Variants in PROSER3 observed in about 807,000 individuals in gnomAD.
The protein encoded by PROSER3 is proline and serine rich 3.
PROSER3 carries 33 observed loss-of-function variants against 50.2 expected under a neutral mutation model. The observed-to-expected ratio is 0.66, with a 90% confidence interval of 0.50 to 0.88. The LOEUF is 0.88. Ranked by LOEUF, PROSER3 falls within the 40% of genes least tolerant of loss-of-function variation. The pLI is 0.00. For missense variants in PROSER3, 623 were observed against 612.7 expected (o/e 1.02, Z -0.18); for synonymous variants, 266 against 259.3 (o/e 1.03, Z -0.25).
At chr19:35,765,163 C>T (rs1213442523) in exon 7 of PROSER3, 2 of 1,613,260 alleles carry the variant, frequency 1.2e-6, no homozygotes, top group African/African-American at 2.7e-5. Flanking sequence ...AGGGCCTTGG[C>T]CCCAGGGCAC....
At chr19:35,759,157 C>T in intron 1 of PROSER3, 1 of 533,064 alleles carries the variant, frequency 1.9e-6, no homozygotes, top group South Asian at 2.4e-5. Context: ...CTGTCAGTTC[C>T]TGAGTTGCTC....
chr19:35,766,913 CAG>C lies in PROSER3; in HGVS notation c.918_919del (p.Arg306SerfsTer53). ...AACAGGCTCAGGGAAGCAAGGGTGA[CAG>C]AGCTTGGGTGCCGCCTCTGACCCCT... On this transcript the variant is annotated frameshift_variant, in exon 8 of 11. Coordinates refer to ENST00000396908, the Ensembl canonical transcript of PROSER3. LOFTEE classifies it high-confidence loss of function. The C allele has an allele frequency of 6.4e-7, 1 of 1,554,424 alleles. No individual in the cohort carries two copies. The highest frequency in any genetic ancestry group is 1.7e-4 in the Middle Eastern group (1 of 5,986).
chr19:35,764,419 G>C (rs1404509055), intron 5 of PROSER3, among the ~76,000 whole-genome samples: 1 of 152,098 alleles, frequency 6.6e-6, no homozygotes, highest in African/African-American at 2.4e-5. Flanking sequence ...CACTTTAGGA[G>C]ACTGAGGTGG....
exon 7 of PROSER3, chr19:35,765,119 C>T (rs1257035498): frequency 1.2e-6 from 2 of 1,613,886 alleles, no homozygotes; most frequent in South Asian, 1.1e-5. Flanking sequence ...TGGCCTCTCT[C>T]CCTTCTCGGA....
At chr19:35,768,756 T>C (rs1201771856) in exon 11 of PROSER3, 7 of 490,548 alleles carry the variant, frequency 1.4e-5, no homozygotes, top group Non-Finnish European at 2.0e-5. Context: ...TATATCTTCC[T>C]TGGGGCAGAG....
In PROSER3 at chr19:35,768,147, C is replaced by T. The variant is rs948341163; in HGVS notation, c.1220-8C>T. 15 of 1,612,146 alleles carry T rather than the reference C, an allele frequency of 9.3e-6. No individual in the cohort carries two copies. Among genetic ancestry groups the T allele is most frequent in the South Asian group, 5.5e-5 (5 of 90,806 alleles). On this transcript the variant is annotated splice_polypyrimidine_tract_variant and splice_region_variant and intron_variant, in intron 9 of 10. Transcript: ENST00000396908. ...CCCTTGGAGCTCATTCTTTTCTCCC[C>T]GGCCCAGACTCCGACGGCAGCGAGT...
In PROSER3 at chr19:35,764,933, G is replaced by A. The variant is rs748855164; in HGVS notation, c.623G>A (p.Arg208His). 72 of 1,613,426 alleles carry A rather than the reference G, an allele frequency of 4.5e-5. No individual in the cohort carries two copies. The East Asian group carries it at 7.8e-4, about 17-fold the overall frequency. The stretch of plus-strand genomic sequence containing the variant: ...AGCAGAGCTGCCAGGCTGCTCAAAC[G>A]CAGGTGCCCGCACCCCTGCCCCCAT... The change falls in exon 6 of 11, where the codon CGC becomes CAC. Residue 208 changes from arginine (R) to histidine (H), a missense_variant. Around this residue, in one of 3 missense-constraint regions of PROSER3, gnomAD observed 7 missense variants for 22.3 expected, o/e 0.31. Coordinates refer to ENST00000396908, the Ensembl canonical transcript of PROSER3.
chr19:35,763,261 G>A (rs1362209896), intron 5 of PROSER3, among the ~76,000 whole-genome samples: 1 of 150,930 alleles, frequency 6.6e-6, no homozygotes, highest in Non-Finnish European at 1.5e-5. Context: ...GGGTACAGTG[G>A]CGCCATCTCA....
exon 4 of PROSER3, chr19:35,762,142 A>G: frequency 1.3e-6 from 2 of 1,597,030 alleles, no homozygotes; most frequent in Non-Finnish European, 1.7e-6. Flanking sequence ...GTCAAAGTGC[A>G]GCAGGTACCT....
At chr19:35,759,677 A>G (rs1333593739) in intron 2 of PROSER3, 112 bp from the exon 3 acceptor site, 10 of 1,117,166 alleles carry the variant, frequency 9.0e-6, no homozygotes, top group African/African-American at 1.6e-5. Flanking sequence ...TTATCATTAC[A>G]GGATGTGTTT....
intron 1 of PROSER3, 72 bp downstream of exon 1, chr19:35,758,298 G>T: frequency 6.6e-7 from 1 of 1,513,648 alleles, no homozygotes. Flanking sequence ...CACAGCCTAG[G>T]ACGGGCTGGA....
At chr19:35,768,881 C>T (rs1971263178) in exon 11 of PROSER3, 1 of 188,284 alleles carries the variant, frequency 5.3e-6, no homozygotes, top group Non-Finnish European at 1.1e-5. Flanking sequence ...CTACTAGGGT[C>T]ATCAGAGTGT....
In PROSER3 at chr19:35,767,672, G is replaced by T. The variant is rs909751823; in HGVS notation, c.958-132G>T. 439 of 1,193,712 alleles carry T rather than the reference G, an allele frequency of 3.7e-4. 1 individual carries two copies. Among genetic ancestry groups the T allele is most frequent in the Non-Finnish European group, 4.9e-4 (426 of 861,388 alleles). 73.9% of individuals were successfully genotyped at this position (1,193,712 alleles called of 1,614,324 possible). On this transcript the variant is annotated intron_variant, in intron 8 of 10. Coordinates refer to ENST00000396908, the Ensembl canonical transcript of PROSER3. ...GGTAGTGGCAGCTCGGCTGTTCCCT[G>T]ACAGCCTGGAGGACACGCCTCCTCA... is the stretch of plus-strand genomic sequence containing the variant.
At chr19:35,765,232 C>T in intron 7 of PROSER3, 56 bp downstream of exon 7, 2 of 1,566,264 alleles carry the variant, frequency 1.3e-6, no homozygotes, top group East Asian at 2.3e-5. Context: ...CCAACTCTGC[C>T]ACTGACCAGC....
intron 8 of PROSER3, chr19:35,767,085 C>A: frequency 8.5e-7 from 1 of 1,172,226 alleles, no homozygotes; most frequent in Non-Finnish European, 1.2e-6. Flanking sequence ...TCTCCTGCTC[C>A]AGTGGAGACC....
At chr19:35,768,101 C>A (rs1449332025) in intron 9 of PROSER3, 36 bp downstream of exon 9, 1 of 1,594,444 alleles carries the variant, frequency 6.3e-7, no homozygotes, top group Admixed American at 1.7e-5. Flanking sequence ...TGGAGGCAGG[C>A]CAGCCCCCTA....
In PROSER3 at chr19:35,759,323, C is replaced by G. The variant is rs112881238; in HGVS notation, c.12-51C>G. ...TGCCCTCCTCTAATGTCCCCCTCCC[C>G]AGGGCTGCGGCGAAACCACGTGCTG... On this transcript the variant is annotated intron_variant, in intron 1 of 10. Coordinates refer to ENST00000396908, the Ensembl canonical transcript of PROSER3. The G allele has an allele frequency of 2.1e-4, 317 of 1,477,482 alleles. 6 individuals carry two copies. The Middle Eastern group carries it at 4.5e-3, about 21-fold the overall frequency. 91.5% of individuals were successfully genotyped at this position (1,477,482 alleles called of 1,614,324 possible).
chr19:35,768,079 C>T lies in PROSER3; in HGVS notation c.1219+14C>T. 1 of 1,586,960 alleles carries T rather than the reference C, an allele frequency of 6.3e-7. No individual in the cohort carries two copies. Among genetic ancestry groups the T allele is most frequent in the Non-Finnish European group, 8.6e-7 (1 of 1,165,768 alleles). ...AGGCTGCAGAAGGTGATGCCCGCGC[C>T]CTCCTGGATGTTGGAGGCAGGCCAG... On this transcript the variant is annotated intron_variant, in intron 9 of 10. Coordinates refer to ENST00000396908, the Ensembl canonical transcript of PROSER3.
chr19:35,759,217 G>A (rs1970871560), intron 1 of PROSER3, 157 bp from the exon 2 acceptor site: 2 of 652,460 alleles, frequency 3.1e-6, no homozygotes, highest in Non-Finnish European at 5.3e-6. Flanking sequence ...CCCTTCCACT[G>A]TCGATATCCT....
Sources: gnomAD v4.1 joint callset for allele counts (sites outside exome capture counted in the v4.1 genomes callset) on GRCh38, gnomAD v4.1.1 for gene constraint, gnomAD v4.1.1 regional missense constraint, MANE v1.5 for transcripts, NCBI Gene and HGNC (gene_info 2026-07-23, HGNC 2026-07-21) for gene names.